KLHL4: variants seen among roughly 807,000 people sequenced by gnomAD.
KLHL4 encodes kelch like family member 4.
Under a neutral mutation model 45.8 loss-of-function variants are expected in KLHL4, and 17 were observed. The observed-to-expected ratio is 0.37, with a 90% CI of 0.25 to 0.56. The LOEUF is 0.56. Ranked by LOEUF, KLHL4 falls within the 20% of genes least tolerant of loss-of-function variation. The pLI is 0.79. For missense variants in KLHL4, 544 were observed against 544.9 expected (o/e 1.00, Z 0.02); for synonymous variants, 224 against 189.9 (o/e 1.18, Z -1.47).
intron 1 of KLHL4, among the ~76,000 whole-genome samples, chrX:87,532,004 A>C (rs1188967988): frequency 9.2e-6 from 1 of 108,168 alleles, no homozygotes; most frequent in Non-Finnish European, 1.9e-5. Context: ...TATGGAACCA[A>C]AAAAGAGCCC....
At chrX:87,538,182 G>A (rs1417060644) in intron 1 of KLHL4, among the ~76,000 whole-genome samples, 4 of 111,078 alleles carry the variant, frequency 3.6e-5, no homozygotes, top group African/African-American at 6.5e-5. Context: ...ATTGATACAC[G>A]CAGAGGCATC....
intron 1 of KLHL4, among the ~76,000 whole-genome samples, chrX:87,568,071 T>G (rs1387959239): frequency 9.0e-6 from 1 of 111,208 alleles, no homozygotes; most frequent in Non-Finnish European, 1.9e-5. Flanking sequence ...GTTAAATAAA[T>G]TATACAAAAA....
chrX:87,647,076 A>G (rs1923661759), intron 9 of KLHL4, among the ~76,000 whole-genome samples: 1 of 112,060 alleles, frequency 8.9e-6, no homozygotes, highest in Non-Finnish European at 1.9e-5. Flanking sequence ...TGGGCTAAGG[A>G]CATGAATAGA....
chrX:87,646,382 T>C (rs1256072523), intron 9 of KLHL4, among the ~76,000 whole-genome samples: 1 of 111,474 alleles, frequency 9.0e-6, no homozygotes. Flanking sequence ...TTCACAGAAT[T>C]AGAAAAAACA....
intron 1 of KLHL4, among the ~76,000 whole-genome samples, chrX:87,612,208 A>G (rs1362221934): frequency 1.8e-5 from 2 of 111,568 alleles, no homozygotes; most frequent in African/African-American, 6.5e-5. Flanking sequence ...TTTCACATTA[A>G]CTCACCATTC....
At chrX:87,636,379 G>A (rs1923263622) in intron 9 of KLHL4, among the ~76,000 whole-genome samples, 1 of 111,849 alleles carries the variant, frequency 8.9e-6, no homozygotes, top group South Asian at 3.7e-4. Context: ...ATAACTTGCA[G>A]CTCCCACTCA....
chrX:87,609,438 T>C (rs1412958828), intron 1 of KLHL4, among the ~76,000 whole-genome samples: 1 of 111,723 alleles, frequency 9.0e-6, no homozygotes. Flanking sequence ...CCTGACTTTT[T>C]AATGATCACC....
At chrX:87,633,608 G>A (rs920311712) in intron 7 of KLHL4, 141 bp from the exon 8 acceptor site, 1 of 419,102 alleles carries the variant, frequency 2.4e-6, no homozygotes, top group Non-Finnish European at 4.0e-6. Flanking sequence ...TTACAACAGA[G>A]TCAGTAAACT....
chrX:87,660,363 T>G (rs2147842148), intron 9 of KLHL4, among the ~76,000 whole-genome samples: 1 of 112,210 alleles, frequency 8.9e-6, no homozygotes, highest in African/African-American at 3.2e-5. Context: ...TTTATGGTTC[T>G]ACACCTAAAA....
intron 1 of KLHL4, among the ~76,000 whole-genome samples, chrX:87,541,992 G>T (rs1300299096): frequency 8.9e-6 from 1 of 112,120 alleles, no homozygotes; most frequent in Non-Finnish European, 1.9e-5. Flanking sequence ...AGCTTGCTGT[G>T]CTTTAGCAAA....
chrX:87,532,208 T>G (rs1237620084), intron 1 of KLHL4, among the ~76,000 whole-genome samples: 1 of 109,272 alleles, frequency 9.2e-6, no homozygotes, highest in Non-Finnish European at 1.9e-5. Context: ...CCCCATTGCT[T>G]GTTTTTCTCA....
intron 8 of KLHL4, among the ~76,000 whole-genome samples, chrX:87,635,295 T>C (rs986092304): frequency 1.8e-5 from 2 of 111,790 alleles, no homozygotes; most frequent in African/African-American, 6.5e-5. Flanking sequence ...AATCTTTTAT[T>C]CAATTATGTT....
chrX:87,592,721 A>G (rs1488541156), intron 1 of KLHL4, among the ~76,000 whole-genome samples: 3 of 112,303 alleles, frequency 2.7e-5, no homozygotes, highest in Non-Finnish European at 5.6e-5. Flanking sequence ...TCTTTTGAGA[A>G]ATGTCTATTC....
At chrX:87,608,769 T>G (rs1399063934) in intron 1 of KLHL4, among the ~76,000 whole-genome samples, 1 of 111,033 alleles carries the variant, frequency 9.0e-6, no homozygotes, top group Non-Finnish European at 1.9e-5. Context: ...ACCCATGACT[T>G]TTTTTATTAT....
chrX:87,572,776 C>T (rs1210469275), intron 1 of KLHL4, among the ~76,000 whole-genome samples: 1 of 92,373 alleles, frequency 1.1e-5, no homozygotes, highest in African/African-American at 3.8e-5. Flanking sequence ...CACATGTACC[C>T]TAAAACTTAA....
chrX:87,525,951 G>T (rs1279541946), intron 1 of KLHL4, among the ~76,000 whole-genome samples: 7 of 110,918 alleles, frequency 6.3e-5, no homozygotes, highest in African/African-American at 9.8e-5. Flanking sequence ...ATTGTCTATT[G>T]CTCTTTCTTC....
At chrX:87,534,345 A>G (rs1353580033) in intron 1 of KLHL4, among the ~76,000 whole-genome samples, 1 of 111,058 alleles carries the variant, frequency 9.0e-6, no homozygotes, top group African/African-American at 3.3e-5. Flanking sequence ...TTTTTAACAA[A>G]CTTCTCAGGT....
chrX:87,592,904 G>C (rs192540312), intron 1 of KLHL4, among the ~76,000 whole-genome samples: 1 of 111,624 alleles, frequency 9.0e-6, no homozygotes, highest in Non-Finnish European at 1.9e-5. Context: ...TGCTGTGCAA[G>C]AGCCTTTTAA....
At chrX:87,518,808 T>C (rs1240610652) in intron 1 of KLHL4, among the ~76,000 whole-genome samples, 1 of 111,986 alleles carries the variant, frequency 8.9e-6, no homozygotes, top group Admixed American at 9.6e-5. Context: ...TATGTGACAA[T>C]ATGGAATATT....
Sources: gnomAD v4.1 joint callset for allele counts (sites outside exome capture counted in the v4.1 genomes callset) on GRCh38, gnomAD v4.1.1 for gene constraint, MANE v1.5 for transcripts, NCBI Gene and HGNC (gene_info 2026-07-23, HGNC 2026-07-21) for gene names.